Variants in NDC80 observed in about 807,000 individuals in gnomAD.
The protein encoded by NDC80 is kinetochore protein NDC80 homolog.
NDC80 carries 69 observed loss-of-function variants against 89.3 expected under a neutral mutation model. That is an observed-to-expected ratio of 0.77 (90% CI 0.64 to 0.94). NDC80 has a LOEUF of 0.94. Ranked by LOEUF, NDC80 falls within the 40% of genes least tolerant of loss-of-function variation. NDC80 has a pLI of 0.00. For missense variants in NDC80, 593 were observed against 739.6 expected (o/e 0.80, Z 2.30); for synonymous variants, 243 against 255.6 (o/e 0.95, Z 0.47).
intron 14 of NDC80, among the ~76,000 whole-genome samples, chr18:2,608,363 G>A (rs1161767894): frequency 2.0e-5 from 3 of 151,742 alleles, no homozygotes; most frequent in African/African-American, 4.8e-5. Context: ...ATGCCACCAT[G>A]CCCAACTAAT....
At chr18:2,583,915 T>G (rs1165135358) in intron 6 of NDC80, among the ~76,000 whole-genome samples, 1 of 152,184 alleles carries the variant, frequency 6.6e-6, no homozygotes, top group Non-Finnish European at 1.5e-5. Context: ...TCTTCTTTTA[T>G]GTACTCCTAA....
chr18:2,587,251 T>G (rs180852285), intron 7 of NDC80, among the ~76,000 whole-genome samples: 11 of 152,328 alleles, frequency 7.2e-5, no homozygotes, highest in African/African-American at 2.6e-4. Context: ...GACCAAAACA[T>G]CTCATGAATG....
intron 14 of NDC80, 24 bp downstream of exon 14, chr18:2,606,531 G>A (rs752930552): frequency 2.8e-5 from 42 of 1,499,858 alleles, no homozygotes; most frequent in Admixed American, 5.8e-5. Flanking sequence ...CACAGTTTGC[G>A]TAGGTTATCA....
At chr18:2,601,108 C>T (rs117351139) in intron 12 of NDC80, among the ~76,000 whole-genome samples, 1,588 of 152,180 alleles carry the variant, frequency 0.01, 12 homozygotes, top group Non-Finnish European at 0.017. Context: ...CTGCAGTAAA[C>T]TAAGTGTACT....
intron 13 of NDC80, among the ~76,000 whole-genome samples, chr18:2,602,129 G>A (rs2072687102): frequency 6.6e-6 from 1 of 152,124 alleles, no homozygotes; most frequent in South Asian, 2.1e-4. Context: ...GAAACCCCTT[G>A]TTAATTCAGC....
At chr18:2,575,569 C>T (rs1282889058) in intron 3 of NDC80, among the ~76,000 whole-genome samples, 2 of 151,938 alleles carry the variant, frequency 1.3e-5, no homozygotes, top group South Asian at 2.1e-4. Flanking sequence ...TCCAAGAGTT[C>T]GAGACCACCC....
Position 2,599,190 on chromosome 18 carries a change from T to G in NDC80, c.1374+19T>G, listed in dbSNP as rs763592673. ...AGTTTATGTAAGTAATCATGACTAC[T>G]TTTAAGATTTTTTTAATTCTGTGAT... On this transcript the variant is annotated intron_variant, in intron 12 of 16. Coordinates refer to ENST00000261597, the MANE Select transcript of NDC80 (RefSeq NM_006101.3). 2 of 1,583,048 alleles carry G rather than the reference T, an allele frequency of 1.3e-6. No homozygotes were observed. Among genetic ancestry groups the G allele is most frequent in the Admixed American group, 3.7e-5 (2 of 53,850 alleles).
At chr18:2,596,425 A>T (rs1383697907) in intron 11 of NDC80, among the ~76,000 whole-genome samples, 1 of 151,678 alleles carries the variant, frequency 6.6e-6, no homozygotes, top group Non-Finnish European at 1.5e-5. Context: ...ACATGAAAAA[A>T]TGCTCACCAT....
intron 15 of NDC80, 34 bp from the exon 16 acceptor site, chr18:2,610,725 C>A: frequency 6.9e-7 from 1 of 1,456,060 alleles, no homozygotes; most frequent in South Asian, 1.3e-5. Flanking sequence ...AATTTTTTTC[C>A]TGGACAACTT....
At position 2,616,489 on chromosome 18, in the gene NDC80, T is replaced by C. The variant is rs1178589878; in HGVS notation, c.1844T>C (p.Met615Thr). 6 of 1,538,792 alleles carry C rather than the reference T, an allele frequency of 3.9e-6. No individual in the cohort carries two copies. In the South Asian group the frequency reaches 4.9e-5, roughly 13 times the overall value. Reference protein sequence around the residue: ...AKVDREYEECMSEDLSENIKE... With the variant: ...AKVDREYEECTSEDLSENIKE... The stretch of plus-strand genomic sequence containing the variant: ...GTTGATAGAGAATATGAAGAATGCA[T>C]GTCAGAAGATCTCTCGGAAAATATT... The change falls in exon 17 of 17, where the codon ATG becomes ACG. Residue 615 changes from methionine (M) to threonine (T), a missense_variant. Transcript: ENST00000261597.
chr18:2,576,325 A>G (rs558581008), intron 3 of NDC80, among the ~76,000 whole-genome samples: 40 of 152,376 alleles, frequency 2.6e-4, no homozygotes, highest in African/African-American at 9.1e-4. Flanking sequence ...AACTTTTAAA[A>G]AACATATTTT....
intron 13 of NDC80, among the ~76,000 whole-genome samples, chr18:2,603,815 G>A (rs1310598574): frequency 6.6e-6 from 1 of 152,104 alleles, no homozygotes; most frequent in Non-Finnish European, 1.5e-5. Flanking sequence ...AAGAGAATTT[G>A]CTCTTCAAAA....
At chr18:2,587,784 A>G in intron 7 of NDC80, 46 bp from the exon 8 acceptor site, 1 of 1,481,952 alleles carries the variant, frequency 6.7e-7, no homozygotes, top group Non-Finnish European at 9.4e-7. Context: ...AAACAGACCA[A>G]ATAGAGAATC....
At chr18:2,606,314 CAT>C (rs2072711231) in intron 13 of NDC80, 99 bp from the exon 14 acceptor site, 1 of 656,348 alleles carries the variant, frequency 1.5e-6, no homozygotes, top group African/African-American at 1.9e-5. Context: ...GAAGAAATAA[CAT>C]TGTTCAGTTA....
chr18:2,606,618 T>C (rs1186239299), intron 14 of NDC80, 111 bp downstream of exon 14: 2 of 542,482 alleles, frequency 3.7e-6, no homozygotes, highest in South Asian at 4.5e-5. Context: ...ATATATCCTA[T>C]AATTTGTATC....
At chr18:2,614,457 A>AAGACAGAG (rs1598248471) in intron 16 of NDC80, 2 of 6,444 alleles carry the variant, frequency 3.1e-4, no homozygotes, top group East Asian at 0.036. Context: ...GAAAGAAAGA[A>AAGACAGAG]AGAAAGAAAG....
intron 16 of NDC80, among the ~76,000 whole-genome samples, chr18:2,613,592 C>A (rs547970201): frequency 2.0e-5 from 3 of 152,276 alleles, no homozygotes; most frequent in Non-Finnish European, 4.4e-5. Context: ...GAAATCAGTT[C>A]CAGATGGATT....
intron 9 of NDC80, 32 bp from the exon 10 acceptor site, chr18:2,589,986 A>T: frequency 7.1e-7 from 1 of 1,400,556 alleles, no homozygotes; most frequent in Non-Finnish European, 9.6e-7. Flanking sequence ...GGTTATTAAG[A>T]ATAACTAAAG....
chr18:2,605,511 G>A (rs8087082), intron 13 of NDC80, among the ~76,000 whole-genome samples: 1 of 152,068 alleles, frequency 6.6e-6, no homozygotes, highest in Non-Finnish European at 1.5e-5. Context: ...GTTATTACAA[G>A]TGAATTTAAA....
Sources: allele counts gnomAD v4.1 joint callset (sites outside exome capture counted in the v4.1 genomes callset), GRCh38; gene constraint gnomAD v4.1.1; transcripts MANE v1.5; gene names NCBI Gene and HGNC (gene_info 2026-07-23, HGNC 2026-07-21).